The following MEI4 variants were observed in gnomAD, a reference collection of about 807,000 sequenced individuals.
MEI4 encodes the protein meiotic double-stranded break formation protein 4, also known as meiosis-specific protein MEI4.
A neutral mutation model predicts 31.4 loss-of-function variants in MEI4; 27 were observed. That is an observed-to-expected ratio of 0.86 (90% confidence interval 0.63 to 1.19). MEI4 has a LOEUF of 1.19. Ranked by LOEUF, MEI4 falls within the 50% of genes most tolerant of loss-of-function variation. The probability of loss-of-function intolerance (pLI) is 0.00; values close to 1 mark genes in which losing one functional copy is unlikely to be tolerated. For missense variants in MEI4, 329 were observed against 398.9 expected (o/e 0.82, Z 1.49); for synonymous variants, 122 against 145.4 (o/e 0.84, Z 1.16).
At chr6:77,863,331 C>G (rs1770920758) in intron 4 of MEI4, among the ~76,000 whole-genome samples, 1 of 151,800 alleles carries the variant, frequency 6.6e-6, no homozygotes, top group Non-Finnish European at 1.5e-5. Context: ...AGTTAAAAAC[C>G]TTGAAAAAAA....
At chr6:77,909,665 T>G (rs1303377951) in intron 4 of MEI4, among the ~76,000 whole-genome samples, 1 of 152,128 alleles carries the variant, frequency 6.6e-6, no homozygotes, top group Non-Finnish European at 1.5e-5. Flanking sequence ...CTGAAACTAT[T>G]CCAATCAATA....
At chr6:77,674,914 T>C (rs985512341) in intron 1 of MEI4, among the ~76,000 whole-genome samples, 2 of 152,252 alleles carry the variant, frequency 1.3e-5, no homozygotes, top group Non-Finnish European at 1.5e-5. Context: ...GTATTATTTA[T>C]ATTAATTACC....
chr6:77,824,481 GT>G (rs1037826357), intron 3 of MEI4, among the ~76,000 whole-genome samples: 2 of 152,056 alleles, frequency 1.3e-5, no homozygotes, highest in Non-Finnish European at 1.5e-5. Context: ...TGGTCTCATG[GT>G]TAGGATTAAA....
chr6:77,905,327 T>C (rs1331859827), intron 4 of MEI4, among the ~76,000 whole-genome samples: 1 of 152,088 alleles, frequency 6.6e-6, no homozygotes, highest in Middle Eastern at 3.2e-3. Flanking sequence ...TTCTTGCTAC[T>C]CTCATGATCC....
At chr6:77,723,266 C>T (rs1766754895) in intron 2 of MEI4, among the ~76,000 whole-genome samples, 4 of 140,876 alleles carry the variant, frequency 2.8e-5, no homozygotes, top group African/African-American at 7.8e-5. Context: ...CATAAATCTA[C>T]TGCTGCACTG....
chr6:77,747,465 G>T (rs1300713944), intron 2 of MEI4, among the ~76,000 whole-genome samples: 6 of 152,158 alleles, frequency 3.9e-5, no homozygotes, highest in African/African-American at 1.4e-4. Context: ...GTGTTACATG[G>T]CAGCAGGTGA....
chr6:77,737,848 A>G (rs188908737), intron 2 of MEI4, among the ~76,000 whole-genome samples: 205 of 152,312 alleles, frequency 1.3e-3, no homozygotes, highest in Non-Finnish European at 2.5e-3. Flanking sequence ...GGAGGGTAGT[A>G]GCAGTACTAG....
intron 2 of MEI4, among the ~76,000 whole-genome samples, chr6:77,734,768 G>T (rs78116007): frequency 6.6e-6 from 1 of 151,716 alleles, no homozygotes; most frequent in Non-Finnish European, 1.5e-5. Context: ...TGCAGTGGCT[G>T]TTACTGGTTG....
At chr6:77,684,501 C>A (rs1402563643) in intron 1 of MEI4, among the ~76,000 whole-genome samples, 1 of 152,024 alleles carries the variant, frequency 6.6e-6, no homozygotes, top group Admixed American at 6.6e-5. Context: ...CCAGGTCCCC[C>A]ACTACCCTTC....
At chr6:77,877,923 A>G (rs1469168912) in intron 4 of MEI4, among the ~76,000 whole-genome samples, 2 of 152,090 alleles carry the variant, frequency 1.3e-5, no homozygotes. Flanking sequence ...CTGCATTGGT[A>G]CTTTTCACAA....
At chr6:77,834,750 T>G (rs1770172791) in intron 4 of MEI4, among the ~76,000 whole-genome samples, 1 of 152,086 alleles carries the variant, frequency 6.6e-6, no homozygotes, top group African/African-American at 2.4e-5. Flanking sequence ...GGGTAAAGAT[T>G]AAAGGCTGGG....
At chr6:77,824,692 C>T (rs1769902361) in intron 3 of MEI4, among the ~76,000 whole-genome samples, 2 of 151,788 alleles carry the variant, frequency 1.3e-5, no homozygotes, top group Admixed American at 6.6e-5. Flanking sequence ...TTGGACTCTA[C>T]CCCTTACAAG....
At chr6:77,730,266 G>A (rs1396324622) in intron 2 of MEI4, among the ~76,000 whole-genome samples, 1 of 152,146 alleles carries the variant, frequency 6.6e-6, no homozygotes, top group East Asian at 1.9e-4. Context: ...TTCACACATT[G>A]ATGAATGGAA....
intron 2 of MEI4, among the ~76,000 whole-genome samples, chr6:77,710,310 T>C (rs1766429097): frequency 1.3e-5 from 2 of 151,628 alleles, no homozygotes; most frequent in Admixed American, 1.3e-4. Flanking sequence ...GATCACGAGG[T>C]CAAGAGATCA....
chr6:77,719,288 C>T (rs1256211269), intron 2 of MEI4, among the ~76,000 whole-genome samples: 1 of 136,634 alleles, frequency 7.3e-6, no homozygotes, highest in Non-Finnish European at 1.6e-5. Flanking sequence ...GCAAGGTTTC[C>T]CTTTAGGTCT....
chr6:77,816,907 T>C (rs1769701868), intron 3 of MEI4, among the ~76,000 whole-genome samples: 1 of 152,180 alleles, frequency 6.6e-6, no homozygotes, highest in African/African-American at 2.4e-5. Flanking sequence ...CTTGCAGGGC[T>C]TTGCGCAATG....
chr6:77,756,224 T>C (rs1164147973), intron 2 of MEI4, among the ~76,000 whole-genome samples: 1 of 152,224 alleles, frequency 6.6e-6, no homozygotes, highest in Non-Finnish European at 1.5e-5. Context: ...TATGAATAAA[T>C]ATTTATGACT....
intron 2 of MEI4, among the ~76,000 whole-genome samples, chr6:77,758,298 G>A (rs575727356): frequency 2.6e-5 from 4 of 152,136 alleles, no homozygotes; most frequent in African/African-American, 9.6e-5. Context: ...TTTAAGCATG[G>A]CATGTAGAAG....
chr6:77,774,851 C>T (rs1255429077), intron 3 of MEI4, among the ~76,000 whole-genome samples: 1 of 151,964 alleles, frequency 6.6e-6, no homozygotes, highest in Admixed American at 6.6e-5. Context: ...CAAATTACCA[C>T]AAACTAGTGC....
Sources: allele counts gnomAD v4.1 joint callset (sites outside exome capture counted in the v4.1 genomes callset), GRCh38; gene constraint gnomAD v4.1.1; transcripts MANE v1.5; gene names NCBI Gene and HGNC (gene_info 2026-07-23, HGNC 2026-07-21).